WDSUB1: variants seen among roughly 807,000 people sequenced by gnomAD.
WDSUB1 encodes the protein WD repeat, SAM and U-box domain-containing protein 1.
A neutral mutation model predicts 53.9 loss-of-function variants in WDSUB1; 49 were observed. The ratio of observed to expected loss-of-function variants is 0.91; its 90% confidence interval spans 0.72 to 1.15. The LOEUF is 1.15. Ranked by LOEUF, WDSUB1 falls within the 50% of genes most tolerant of loss-of-function variation. WDSUB1 has a pLI of 0.00. For missense variants in WDSUB1, 514 were observed against 562.0 expected, an observed-to-expected ratio of 0.91 and a Z score of 0.86; for synonymous variants, 194 against 200.6, an observed-to-expected ratio of 0.97 and a Z score of 0.28.
chr2:159,277,840 C>T (rs1465746890), intron 3 of WDSUB1, among the ~76,000 whole-genome samples: 3 of 152,104 alleles, frequency 2.0e-5, no homozygotes, highest in Non-Finnish European at 4.4e-5. Context: ...TATATTTCCA[C>T]AGCAACACTA....
At chr2:159,247,409 T>A (rs1175810509) in intron 10 of WDSUB1, among the ~76,000 whole-genome samples, 1 of 152,074 alleles carries the variant, frequency 6.6e-6, no homozygotes, top group East Asian at 1.9e-4. Flanking sequence ...ATTCATTGCC[T>A]CCCTAGCCAA....
At chr2:159,240,359 G>A (rs1575422720) in intron 10 of WDSUB1, among the ~76,000 whole-genome samples, 1 of 151,532 alleles carries the variant, frequency 6.6e-6, no homozygotes, top group Non-Finnish European at 1.5e-5. Context: ...ATGATTATGT[G>A]TTTTCAATTC....
chr2:159,254,420 G>T (rs2061016615), intron 9 of WDSUB1, among the ~76,000 whole-genome samples: 1 of 151,990 alleles, frequency 6.6e-6, no homozygotes. Context: ...AATTAGCCAG[G>T]CATGGTGGCA....
At chr2:159,285,414 G>GA (rs35321223) in intron 1 of WDSUB1, among the ~76,000 whole-genome samples, 85,796 of 150,572 alleles carry the variant, frequency 0.57, 25,666 homozygotes, top group African/African-American at 0.71. Flanking sequence ...CTCTACCAAA[G>GA]AAAAAAAAAG....
intron 5 of WDSUB1, among the ~76,000 whole-genome samples, chr2:159,269,004 C>G (rs2151122259): frequency 6.6e-6 from 1 of 152,120 alleles, no homozygotes; most frequent in Admixed American, 6.5e-5. Flanking sequence ...ACAAACAAAA[C>G]AGAAGCATAA....
intron 10 of WDSUB1, among the ~76,000 whole-genome samples, chr2:159,236,843 A>G: frequency 6.6e-6 from 1 of 150,942 alleles, no homozygotes; most frequent in African/African-American, 2.4e-5. Context: ...CTGGTCTTGA[A>G]CTCCTGACCT....
chr2:159,244,140 ATG>A (rs1195069843), intron 10 of WDSUB1, among the ~76,000 whole-genome samples: 36 of 152,314 alleles, frequency 2.4e-4, no homozygotes, highest in Non-Finnish European at 4.1e-4. Flanking sequence ...TGAAAGTTGA[ATG>A]CTTTCCCTCT....
At chr2:159,285,468 G>A (rs893854153) in intron 1 of WDSUB1, among the ~76,000 whole-genome samples, 1 of 151,982 alleles carries the variant, frequency 6.6e-6, no homozygotes, top group Non-Finnish European at 1.5e-5. Flanking sequence ...CATTTTGGGA[G>A]GCCGAGATGG....
At chr2:159,269,783 G>A (rs1467586355) in intron 5 of WDSUB1, among the ~76,000 whole-genome samples, 2 of 152,140 alleles carry the variant, frequency 1.3e-5, no homozygotes, top group African/African-American at 4.8e-5. Flanking sequence ...TCTCAAAGAT[G>A]TAGGAAAAAT....
intron 9 of WDSUB1, among the ~76,000 whole-genome samples, chr2:159,250,212 T>C (rs2060921408): frequency 6.6e-6 from 1 of 152,120 alleles, no homozygotes; most frequent in South Asian, 2.1e-4. Flanking sequence ...TTCATGTGAA[T>C]GTGGCAAGTT....
chr2:159,281,605 C>A (rs529627592), intron 2 of WDSUB1, among the ~76,000 whole-genome samples: 13 of 152,188 alleles, frequency 8.5e-5, no homozygotes, highest in Non-Finnish European at 1.8e-4. Flanking sequence ...TGGGCTTGGT[C>A]ATTCATCCAG....
At chr2:159,240,048 C>T (rs1384359768) in intron 10 of WDSUB1, among the ~76,000 whole-genome samples, 3 of 152,204 alleles carry the variant, frequency 2.0e-5, no homozygotes, top group Non-Finnish European at 2.9e-5. Flanking sequence ...ATCCCATACC[C>T]ATTAGCAGTC....
chr2:159,261,576 T>G (rs1265323024), intron 5 of WDSUB1, among the ~76,000 whole-genome samples: 1 of 152,068 alleles, frequency 6.6e-6, no homozygotes, highest in Non-Finnish European at 1.5e-5. Context: ...CTGAAATTCT[T>G]AGGCCAAATT....
At chr2:159,238,274 ATCAAGGAATTTACTTACAAATTC>A (rs1293944390) in intron 10 of WDSUB1, among the ~76,000 whole-genome samples, 3 of 37,076 alleles carry the variant, frequency 8.1e-5, no homozygotes, top group African/African-American at 4.2e-4. Context: ...TCCCAATTCT[ATCAAGGAATTTACTTACAAATTC>A]TATCAAGGAA....
In WDSUB1 at chr2:159,248,111, A is replaced by ATTTT. The variant is rs202017868; in HGVS notation, c.1273+257_1273+260dup. 8.1e-3 allele frequency among the ~76,000 whole-genome samples: 1,220 copies of ATTTT among 151,276 alleles called. 11 individuals carry two copies. Among genetic ancestry groups the ATTTT allele is most frequent in the African/African-American group, 0.023 (941 of 41,458 alleles). ...CAACAATCTGTCTTTAAAAAATAGT[A>ATTTT]TTTTATCTTTACATCCTAGCAACTA... On this transcript the variant is annotated intron_variant, in intron 10 of 10. Transcript: ENST00000359774.
At position 159,282,808 on chromosome 2, in the gene WDSUB1, T is replaced by A; in HGVS notation, c.262A>T (p.Met88Leu). Residue 88 changes from methionine (M) to leucine (L), a missense_variant, in exon 2 of 11, where the codon ATG becomes TTG. Physicochemically the swap from Met to Leu is conservative, Grantham distance 15. Transcript: ENST00000359774. ...CTAGGCTGTTCCATCACTGCCAGCA[T>A]CTGTCCATTTTCAGTATTCCATAGG... ...TVLWNTENGQ[M>L]LAVMEQPSGS... 1 of 1,614,210 alleles carries A rather than the reference T, an allele frequency of 6.2e-7. No homozygotes were observed.
chr2:159,264,053 AC>A (rs2061283042), intron 5 of WDSUB1, among the ~76,000 whole-genome samples: 1 of 152,142 alleles, frequency 6.6e-6, no homozygotes, highest in South Asian at 2.1e-4. Context: ...TGGGGTTAAA[AC>A]CCAGTTCTGT....
intron 5 of WDSUB1, among the ~76,000 whole-genome samples, chr2:159,266,988 G>T (rs1053078455): frequency 1.3e-5 from 2 of 151,882 alleles, no homozygotes; most frequent in African/African-American, 4.8e-5. Context: ...GCCCAGGCTG[G>T]TCTCAAACTC....
chr2:159,264,662 T>C (rs189786679), intron 5 of WDSUB1, among the ~76,000 whole-genome samples: 2 of 152,252 alleles, frequency 1.3e-5, no homozygotes, highest in Admixed American at 1.3e-4. Context: ...TTCTCTTTTT[T>C]CTGATCTGCA....
Sources: gnomAD v4.1 joint callset for allele counts (sites outside exome capture counted in the v4.1 genomes callset) on GRCh38, gnomAD v4.1.1 for gene constraint, MANE v1.5 for transcripts, NCBI Gene and HGNC (gene_info 2026-07-23, HGNC 2026-07-21) for gene names.